SCMH1: variants seen among roughly 807,000 people sequenced by gnomAD.
SCMH1 encodes polycomb protein SCMH1.
SCMH1 carries 37 observed loss-of-function variants against 70.8 expected under a neutral mutation model. The ratio of observed to expected loss-of-function variants is 0.52; its 90% CI spans 0.40 to 0.69. SCMH1 has a LOEUF of 0.69. Ranked by LOEUF, SCMH1 falls within the 30% of genes least tolerant of loss-of-function variation. The pLI is 0.00. For synonymous variants in SCMH1, 292 were observed against 307.4 expected, an observed-to-expected ratio of 0.95 and a Z score of 0.52; for missense variants, 607 against 827.3, an observed-to-expected ratio of 0.73 and a Z score of 3.27.
At chr1:41,126,263 T>C (rs559113171) in intron 6 of SCMH1, among the ~76,000 whole-genome samples, 62 of 152,322 alleles carry the variant, frequency 4.1e-4, no homozygotes, top group African/African-American at 1.5e-3. Flanking sequence ...AGGTATACTG[T>C]GAAGGTTCTA....
intron 8 of SCMH1, among the ~76,000 whole-genome samples, chr1:41,098,144 T>A (rs892075196): frequency 1.3e-5 from 2 of 152,236 alleles, no homozygotes; most frequent in Non-Finnish European, 2.9e-5. Flanking sequence ...ATATTATATA[T>A]TTCTGGGTAA....
intron 12 of SCMH1, among the ~76,000 whole-genome samples, chr1:41,037,828 T>C (rs555844420): frequency 7.9e-5 from 12 of 152,330 alleles, no homozygotes; most frequent in African/African-American, 1.9e-4. Context: ...AAGGAACATC[T>C]TAAACAAATG....
At chr1:41,203,916 T>C (rs1392206436) in intron 1 of SCMH1, among the ~76,000 whole-genome samples, 1 of 152,254 alleles carries the variant, frequency 6.6e-6, no homozygotes, top group African/African-American at 2.4e-5. Context: ...CTCTGAAGGC[T>C]GTGAGACCCC....
chr1:41,140,226 G>C (rs1160172629), intron 6 of SCMH1, among the ~76,000 whole-genome samples: 1 of 151,960 alleles, frequency 6.6e-6, no homozygotes, highest in Non-Finnish European at 1.5e-5. Context: ...CAGAGATGAA[G>C]CAGGTAAAAA....
chr1:41,230,894 T>A (rs1300099663), intron 1 of SCMH1, among the ~76,000 whole-genome samples: 2 of 152,340 alleles, frequency 1.3e-5, no homozygotes, highest in East Asian at 1.9e-4. Flanking sequence ...ATTCTGATAT[T>A]CAACAAGGTT....
chr1:41,061,630 T>A (rs1652689860), intron 10 of SCMH1, among the ~76,000 whole-genome samples: 1 of 152,190 alleles, frequency 6.6e-6, no homozygotes, highest in Non-Finnish European at 1.5e-5. Context: ...CTATTATAGT[T>A]GGAGACTTCA....
At chr1:41,208,441 A>AAAT (rs1656149499) in intron 1 of SCMH1, among the ~76,000 whole-genome samples, 2 of 135,096 alleles carry the variant, frequency 1.5e-5, no homozygotes, top group South Asian at 4.5e-4. Flanking sequence ...AAATTAAAAA[A>AAAT]AAAAAATAAA....
At chr1:41,209,539 CTGGGAT>C (rs1045417143) in intron 1 of SCMH1, among the ~76,000 whole-genome samples, 1 of 152,214 alleles carries the variant, frequency 6.6e-6, no homozygotes, top group African/African-American at 2.4e-5. Context: ...GGCTTCATCC[CTGGGAT>C]GCAAGGCTGG....
chr1:41,087,070 C>T (rs530401775), intron 8 of SCMH1, among the ~76,000 whole-genome samples: 15 of 152,124 alleles, frequency 9.9e-5, no homozygotes, highest in African/African-American at 3.4e-4. Flanking sequence ...GAAAAACAGA[C>T]CCAACTATAC....
intron 6 of SCMH1, among the ~76,000 whole-genome samples, chr1:41,136,773 CTTTTTTTTTTT>C (rs67410901): frequency 9.2e-6 from 1 of 108,454 alleles, no homozygotes; most frequent in East Asian, 2.7e-4. Context: ...AAGGACAGTA[CTTTTTTTTTTT>C]TTTTTTTTTT....
At chr1:41,064,506 C>T (rs1440219926) in intron 10 of SCMH1, among the ~76,000 whole-genome samples, 3 of 152,104 alleles carry the variant, frequency 2.0e-5, no homozygotes, top group Non-Finnish European at 4.4e-5. Context: ...AATTAACAAC[C>T]AAAAACATCC....
intron 6 of SCMH1, among the ~76,000 whole-genome samples, chr1:41,133,402 C>A (rs1010224207): frequency 1.3e-5 from 2 of 151,972 alleles, no homozygotes; most frequent in African/African-American, 4.8e-5. Flanking sequence ...CAAACAAATT[C>A]AAAAGTTAGC....
At chr1:41,108,491 C>G (rs11209541) in intron 8 of SCMH1, among the ~76,000 whole-genome samples, 11,883 of 152,184 alleles carry the variant, frequency 0.078, 597 homozygotes, top group South Asian at 0.13. Flanking sequence ...AAAACTAAAG[C>G]ATGTATCTGT....
chr1:41,137,453 A>G (rs902080727), intron 6 of SCMH1, among the ~76,000 whole-genome samples: 3 of 152,202 alleles, frequency 2.0e-5, no homozygotes, highest in Admixed American at 2.0e-4. Flanking sequence ...GCACACACAC[A>G]CACACATACA....
intron 1 of SCMH1, among the ~76,000 whole-genome samples, chr1:41,212,213 C>T (rs61774688): frequency 0.23 from 35,677 of 151,944 alleles, 5,016 homozygotes; most frequent in Non-Finnish European, 0.31. Context: ...TTGTAAGTCA[C>T]TCTCAAATTC....
chr1:41,151,042 T>C (rs1341054248), intron 5 of SCMH1, among the ~76,000 whole-genome samples: 2 of 151,894 alleles, frequency 1.3e-5, no homozygotes, highest in Admixed American at 6.6e-5. Flanking sequence ...GGATTGTAGG[T>C]AACTTCCTGA....
At chr1:41,237,986 T>C (rs917149134) in intron 1 of SCMH1, among the ~76,000 whole-genome samples, 10 of 152,346 alleles carry the variant, frequency 6.6e-5, no homozygotes, top group Admixed American at 6.5e-4. Flanking sequence ...TGATTTTATG[T>C]GGTATGTGTG....
chr1:41,170,515 C>T (rs1368121543), intron 2 of SCMH1, among the ~76,000 whole-genome samples: 2 of 152,152 alleles, frequency 1.3e-5, no homozygotes, highest in Non-Finnish European at 2.9e-5. Context: ...GAGGGAGAGT[C>T]AGGAGTTTCC....
At chr1:41,177,077 T>C (rs1361205669) in intron 2 of SCMH1, among the ~76,000 whole-genome samples, 1 of 152,176 alleles carries the variant, frequency 6.6e-6, no homozygotes, top group African/African-American at 2.4e-5. Context: ...ACATTTGCTG[T>C]TCACCAATAT....
Sources: gnomAD v4.1 joint callset for allele counts (sites outside exome capture counted in the v4.1 genomes callset) on GRCh38, gnomAD v4.1.1 for gene constraint, MANE v1.5 for transcripts, NCBI Gene and HGNC (gene_info 2026-07-23, HGNC 2026-07-21) for gene names.